Variants in POC5 observed in about 807,000 individuals in gnomAD.
POC5 encodes the protein centrosomal protein POC5.
Under a neutral mutation model 62.9 loss-of-function variants are expected in POC5, and 48 were observed. The observed-to-expected ratio is 0.76, with a 90% confidence interval of 0.61 to 0.97. The LOEUF is 0.97. Among genes scored for constraint, POC5 ranks in the 50% least tolerant of loss-of-function variants. POC5 has a pLI of 0.00. For synonymous variants in POC5, 236 were observed against 228.2 expected (o/e 1.03, Z -0.31); for missense variants, 696 against 679.5 (o/e 1.02, Z -0.27).
chr5:75,682,538 CAG>C (rs1471624357), intron 10 of POC5, among the ~76,000 whole-genome samples: 1 of 116,016 alleles, frequency 8.6e-6, no homozygotes, highest in African/African-American at 3.5e-5. Flanking sequence ...TTTTTTGAGA[CAG>C]AGTCTCACTC....
chr5:75,716,295 C>T (rs145695916), intron 1 of POC5, among the ~76,000 whole-genome samples: 135 of 142,890 alleles, frequency 9.4e-4, no homozygotes, highest in African/African-American at 3.5e-3. Context: ...GCTTCACTGA[C>T]TTCAAATCTA....
Position 75,690,473 on chromosome 5 carries a change from C to G in POC5, c.885G>C (p.Gln295His). The change falls in exon 8 of 12, where the codon CAG (glutamine) becomes CAC (histidine). Residue 295 changes from glutamine to histidine, a missense_variant. Physicochemically the swap from Gln to His is conservative, Grantham distance 24. Transcript: ENST00000428202. Reference sequence around the variant, plus strand: ...AAGCTCTTTCTACCACATCTTTCCACTGCTTTTGCACTACGGAACGCCAGA... The same window carrying G: ...AAGCTCTTTCTACCACATCTTTCCAGTGCTTTTGCACTACGGAACGCCAGA... The part of the protein sequence containing the change: ...WKVWRSVVQK[Q>H]WKDVVERACQ... 1.9e-6 allele frequency: 3 copies of G among 1,611,214 alleles called. No individual in the cohort carries two copies. The highest frequency in any genetic ancestry group is 1.6e-4 in the Middle Eastern group (1 of 6,062).
At chr5:75,709,008 C>T (rs1580060772) in intron 2 of POC5, among the ~76,000 whole-genome samples, 1 of 151,820 alleles carries the variant, frequency 6.6e-6, no homozygotes, top group Non-Finnish European at 1.5e-5. Context: ...AATTTTTGTA[C>T]TTTTAGTAGA....
intron 5 of POC5, among the ~76,000 whole-genome samples, chr5:75,701,683 C>T (rs1205989703): frequency 6.6e-6 from 1 of 150,976 alleles, no homozygotes; most frequent in African/African-American, 2.4e-5. Flanking sequence ...AACTAACCTG[C>T]ACATTGTGTA....
Position 75,707,764 on chromosome 5 carries a change from T to C in POC5, c.196A>G (p.Thr66Ala). ...TGACTATGAAGAATATCATGAATTG[T>C]AGAAATTCTGACATCTGGCACCAAT... ...GELVPDVRISTIHDILHSQGN... is the reference protein window; with the variant it reads ...GELVPDVRISAIHDILHSQGN... Residue 66 changes from threonine (T) to alanine (A), a missense_variant, in exon 3 of 12, where the codon ACA becomes GCA. By Grantham distance (58) the Thr-to-Ala change is moderately conservative. Coordinates refer to ENST00000428202, the MANE Select transcript of POC5 (RefSeq NM_001099271.2). 1 of 1,554,552 alleles carries C rather than the reference T, an allele frequency of 6.4e-7. No individual in the cohort carries two copies. The highest frequency in any genetic ancestry group is 8.7e-7 in the Non-Finnish European group (1 of 1,144,300).
In POC5 at chr5:75,689,151, C is replaced by T; in HGVS notation, c.990G>A (p.Leu330=). Residue 330 remains leucine (L), a synonymous_variant, in exon 9 of 12, where the codon TTG becomes TTA. Coordinates refer to ENST00000428202, the MANE Select transcript of POC5 (RefSeq NM_001099271.2). ...TTTGAATCTCAGCTTTTGCATTTTC[C>T]AAAGCTCCAGATAACTAAAATAAGA... is the stretch of plus-strand genomic sequence containing the variant. ...EAKVAMLSGA[L]ENAKAEIQRM... The T allele has an allele frequency of 6.4e-7, 1 of 1,553,416 alleles. No individual in the cohort carries two copies. Among genetic ancestry groups the T allele is most frequent in the Non-Finnish European group, 8.7e-7 (1 of 1,149,340 alleles).
At chr5:75,712,524 T>A in intron 2 of POC5, 1 of 1,390,690 alleles carries the variant, frequency 7.2e-7, no homozygotes. Context: ...TAATTTGCAT[T>A]AAAAGTGAAA....
intron 2 of POC5, chr5:75,712,127 T>C: frequency 5.2e-6 from 1 of 190,876 alleles, no homozygotes; most frequent in Non-Finnish European, 9.7e-6. Context: ...ACAAATTTGT[T>C]TCATAAAATA....
chr5:75,703,242 T>C (rs2112179040), intron 4 of POC5, among the ~76,000 whole-genome samples: 1 of 152,300 alleles, frequency 6.6e-6, no homozygotes, highest in East Asian at 1.9e-4. Flanking sequence ...GAAACTGAGG[T>C]TCAGAAAAAG....
intron 5 of POC5, among the ~76,000 whole-genome samples, chr5:75,697,527 G>C (rs1400113993): frequency 2.0e-5 from 3 of 151,842 alleles, no homozygotes; most frequent in African/African-American, 7.3e-5. Context: ...TCACCACCAG[G>C]CCTGCCCTAA....
At chr5:75,681,731 T>C (rs534806858) in intron 10 of POC5, among the ~76,000 whole-genome samples, 8 of 152,022 alleles carry the variant, frequency 5.3e-5, no homozygotes, top group African/African-American at 1.9e-4. Context: ...TCTGGACCTA[T>C]CTCCTTTTAG....
intron 2 of POC5, among the ~76,000 whole-genome samples, chr5:75,710,078 T>C (rs543100128): frequency 3.1e-4 from 47 of 152,324 alleles, no homozygotes; most frequent in Non-Finnish European, 5.7e-4. Flanking sequence ...GGTAGTACAC[T>C]GTCAGTGCAC....
At chr5:75,703,962 T>C (rs992004513) in intron 4 of POC5, among the ~76,000 whole-genome samples, 9 of 152,002 alleles carry the variant, frequency 5.9e-5, no homozygotes, top group African/African-American at 2.2e-4. Flanking sequence ...AAGACCAGCC[T>C]GGCCAACATG....
intron 5 of POC5, among the ~76,000 whole-genome samples, chr5:75,695,715 T>C (rs1405990401): frequency 1.3e-5 from 2 of 151,998 alleles, no homozygotes; most frequent in Non-Finnish European, 2.9e-5. Flanking sequence ...GGAGCCAAGA[T>C]GGCCGAATAG....
intron 5 of POC5, among the ~76,000 whole-genome samples, chr5:75,696,451 C>T (rs1426310161): frequency 6.6e-6 from 1 of 152,202 alleles, no homozygotes; most frequent in African/African-American, 2.4e-5. Context: ...CAGAGGCAGA[C>T]TGACACCTCA....
chr5:75,684,027 C>A (rs1483445446), intron 10 of POC5, among the ~76,000 whole-genome samples: 1 of 152,100 alleles, frequency 6.6e-6, no homozygotes, highest in East Asian at 1.9e-4. Flanking sequence ...ACAGCTTGAT[C>A]AATTTCATTT....
chr5:75,696,716 C>T (rs565212889), intron 5 of POC5, among the ~76,000 whole-genome samples: 6 of 152,202 alleles, frequency 3.9e-5, no homozygotes, highest in African/African-American at 1.4e-4. Flanking sequence ...TGGAGAATGA[C>T]TTTGACGAGC....
At chr5:75,690,695 C>T (rs947804160) in intron 7 of POC5, 133 bp from the exon 8 acceptor site, 2 of 832,818 alleles carry the variant, frequency 2.4e-6, no homozygotes, top group African/African-American at 3.5e-5. Context: ...TTATTCTCAT[C>T]TTGCATATAG....
chr5:75,678,069 A>T, intron 10 of POC5, 119 bp from the exon 11 acceptor site: 8 of 773,934 alleles, frequency 1.0e-5, no homozygotes, highest in Non-Finnish European at 1.4e-5. Flanking sequence ...TGTTCAACCA[A>T]CTTTAACATG....
Sources: allele counts gnomAD v4.1 joint callset (sites outside exome capture counted in the v4.1 genomes callset), GRCh38; gene constraint gnomAD v4.1.1; transcripts MANE v1.5; gene names NCBI Gene and HGNC (gene_info 2026-07-23, HGNC 2026-07-21).